Variants in PACRG observed in about 807,000 individuals in gnomAD.
PACRG encodes the protein parkin coregulated.
In PACRG, 29 loss-of-function variants were observed where a neutral mutation model predicts 29.7. The ratio of observed to expected loss-of-function variants is 0.98; its 90% CI spans 0.73 to 1.33. The LOEUF (loss-of-function observed/expected upper bound fraction) is 1.33. PACRG is among the 40% of genes most tolerant of loss of function. PACRG has a pLI of 0.00. For synonymous variants in PACRG, 116 were observed against 118.7 expected, an observed-to-expected ratio of 0.98 and a Z score of 0.15; for missense variants, 279 against 316.2, an observed-to-expected ratio of 0.88 and a Z score of 0.89.
intron 4 of PACRG, among the ~76,000 whole-genome samples, chr6:163,224,210 A>G (rs544270988): frequency 3.3e-5 from 5 of 151,854 alleles, no homozygotes; most frequent in African/African-American, 1.2e-4. Flanking sequence ...CTCTACTAAA[A>G]ATACAAAAAT....
intron 1 of PACRG, among the ~76,000 whole-genome samples, chr6:162,806,619 C>G (rs1467461638): frequency 6.6e-6 from 1 of 152,030 alleles, no homozygotes; most frequent in Non-Finnish European, 1.5e-5. Context: ...CAGTAGATCT[C>G]AACAGTGGGC....
intron 1 of PACRG, among the ~76,000 whole-genome samples, chr6:162,784,211 C>T (rs1296518105): frequency 2.0e-5 from 3 of 152,152 alleles, no homozygotes; most frequent in African/African-American, 7.2e-5. Context: ...GTGACAGGAA[C>T]TTACCAAACC....
chr6:162,859,190 T>A (rs1791654136), intron 2 of PACRG, among the ~76,000 whole-genome samples: 1 of 152,120 alleles, frequency 6.6e-6, no homozygotes, highest in African/African-American at 2.4e-5. Flanking sequence ...CCGTTTGCCA[T>A]TTTTGTACCT....
intron 4 of PACRG, among the ~76,000 whole-genome samples, chr6:163,172,858 G>T (rs567091403): frequency 1.3e-5 from 2 of 152,278 alleles, no homozygotes; most frequent in South Asian, 2.1e-4. Flanking sequence ...ATAGAAAGAG[G>T]CTTGAATGCC....
chr6:162,948,880 AAAAT>A (rs963047720), intron 2 of PACRG, among the ~76,000 whole-genome samples: 5 of 152,126 alleles, frequency 3.3e-5, no homozygotes, highest in African/African-American at 1.2e-4. Flanking sequence ...AAAATGTCAA[AAAAT>A]AAATGCCGGT....
At chr6:163,062,409 T>G in intron 3 of PACRG, 88 bp downstream of exon 3, 1 of 1,375,360 alleles carries the variant, frequency 7.3e-7, no homozygotes, top group South Asian at 1.6e-5. Context: ...CATGACAGAC[T>G]GAGGTGATCC....
intron 4 of PACRG, among the ~76,000 whole-genome samples, chr6:163,136,474 C>T (rs1816941080): frequency 6.6e-6 from 1 of 152,136 alleles, no homozygotes; most frequent in African/African-American, 2.4e-5. Flanking sequence ...GAAATTTCCA[C>T]GTTTAAGAGA....
rs116369299 is a variant in PACRG, at chr6:163,139,243, C to T, written c.613+49835C>T. ...CCTGCCTCGTCTTCACATTGCCTCC[C>T]GCTCTTCTGTGCACTGTGTCCAAAT... On this transcript the variant is annotated intron_variant, in intron 4 of 4. Transcript: ENST00000366888. Among the ~76,000 whole-genome samples the T allele has an allele frequency of 3.0e-3, 464 of 152,372 alleles. 4 individuals are homozygous for T. The highest frequency in any genetic ancestry group is 0.011 in the African/African-American group (451 of 41,578).
intron 4 of PACRG, among the ~76,000 whole-genome samples, chr6:163,289,510 GA>G (rs1784510816): frequency 1.3e-5 from 2 of 151,982 alleles, no homozygotes; most frequent in African/African-American, 4.8e-5. Context: ...AAATACTTAA[GA>G]TTTCATTTGA....
chr6:163,239,110 AAGG>A (rs1360657889), intron 4 of PACRG, among the ~76,000 whole-genome samples: 5 of 152,232 alleles, frequency 3.3e-5, no homozygotes. Flanking sequence ...ATTACTGAAC[AAGG>A]CACTTATTCT....
intron 2 of PACRG, among the ~76,000 whole-genome samples, chr6:162,950,614 A>G (rs548954613): frequency 1.2e-4 from 19 of 152,324 alleles, no homozygotes; most frequent in African/African-American, 3.1e-4. Flanking sequence ...ATGGTTTTGG[A>G]TATACGTTCA....
intron 4 of PACRG, among the ~76,000 whole-genome samples, chr6:163,156,660 A>C (rs1171828703): frequency 6.6e-6 from 1 of 152,224 alleles, no homozygotes; most frequent in African/African-American, 2.4e-5. Flanking sequence ...ATTATCTTGC[A>C]GCTCAATAGT....
rs75181179 is a variant in PACRG at position 163,022,041 on chromosome 6, G to A, written c.292-40109G>A. On this transcript the variant is annotated intron_variant, in intron 2 of 4. Transcript: ENST00000366888. The stretch of plus-strand genomic sequence containing the variant: ...GACCCCCTGCTGGGAGGCAGTCTCC[G>A]AAGCTGCCAGTGGTCTTCGGCCACA... Among the ~76,000 whole-genome samples, 32 of 152,314 alleles carry A rather than the reference G, an allele frequency of 2.1e-4. No homozygotes were observed. The East Asian group carries it at 2.3e-3, about 11-fold the overall frequency.
At chr6:162,796,110 T>A (rs1254577240) in intron 1 of PACRG, among the ~76,000 whole-genome samples, 1 of 152,174 alleles carries the variant, frequency 6.6e-6, no homozygotes. Flanking sequence ...AGAATATTTT[T>A]AAAATGTTAA....
intron 2 of PACRG, among the ~76,000 whole-genome samples, chr6:162,872,007 A>G (rs1335706005): frequency 6.6e-6 from 1 of 152,192 alleles, no homozygotes; most frequent in Non-Finnish European, 1.5e-5. Flanking sequence ...CAAACACTGT[A>G]AGATATGTTT....
chr6:162,890,114 C>A (rs958427441), intron 2 of PACRG, among the ~76,000 whole-genome samples: 1 of 152,226 alleles, frequency 6.6e-6, no homozygotes, highest in Non-Finnish European at 1.5e-5. Context: ...CATTGAGAGA[C>A]TATTGCCATC....
intron 4 of PACRG, among the ~76,000 whole-genome samples, chr6:163,129,138 T>C (rs1816630909): frequency 6.6e-6 from 1 of 152,308 alleles, no homozygotes; most frequent in Admixed American, 6.5e-5. Flanking sequence ...AAGTAGAGCT[T>C]CCTAGGCCCC....
At chr6:162,826,228 GTA>G (rs1261454427) in intron 2 of PACRG, among the ~76,000 whole-genome samples, 2 of 152,084 alleles carry the variant, frequency 1.3e-5, no homozygotes, top group Non-Finnish European at 2.9e-5. Context: ...GCATGATTGT[GTA>G]TGTGTGTGTG....
chr6:162,756,263 T>C (rs1360574269), intron 1 of PACRG, among the ~76,000 whole-genome samples: 1 of 152,210 alleles, frequency 6.6e-6, no homozygotes, highest in Non-Finnish European at 1.5e-5. Flanking sequence ...TCTACTATTA[T>C]AGTATTGCAG....
Sources: gnomAD v4.1 joint callset for allele counts (sites outside exome capture counted in the v4.1 genomes callset) on GRCh38, gnomAD v4.1.1 for gene constraint, MANE v1.5 for transcripts, NCBI Gene and HGNC (gene_info 2026-07-23, HGNC 2026-07-21) for gene names.